ALPK2: variants seen among roughly 807,000 people sequenced by gnomAD.
ALPK2 encodes alpha kinase 2, also known as alpha-protein kinase 2.
Under a neutral mutation model 163.1 loss-of-function variants are expected in ALPK2, and 127 were observed. The observed-to-expected ratio is 0.78, with a 90% CI of 0.67 to 0.90. The LOEUF is 0.90. ALPK2 is among the 40% of genes least tolerant of loss of function. The pLI, the probability that ALPK2 is intolerant of heterozygous loss-of-function variation, is 0.00. For synonymous variants in ALPK2, 953 were observed against 959.1 expected, an observed-to-expected ratio of 0.99 and a Z score of 0.12; for missense variants, 2,360 against 2,589.6, an observed-to-expected ratio of 0.91 and a Z score of 1.92.
In ALPK2 at chr18:58,535,902, C is replaced by T. The variant is rs142602257; in HGVS notation, c.4285G>A (p.Gly1429Ser). 1.2e-5 allele frequency: 19 copies of T among 1,614,164 alleles called. No individual in the cohort carries two copies. The highest frequency in any genetic ancestry group is 1.7e-5 in the Admixed American group (1 of 60,026). The change falls in exon 5 of 13, where the codon GGC (glycine) becomes AGC (serine). Residue 1429 changes from glycine to serine, a missense_variant. By Grantham distance (56) the Gly-to-Ser change is moderately conservative (BLOSUM62 0). Coordinates refer to ENST00000361673, the MANE Select transcript of ALPK2 (RefSeq NM_052947.4). The part of the protein sequence containing the change: ...KPEPSETTPQ[G>S]AREGGQSNDG... ...TTTGATTGACCCCCTTCTCTGGCGC[C>T]CTGTGGTGTGGTTTCAGAGGGCTCT...
intron 9 of ALPK2, among the ~76,000 whole-genome samples, 194 bp from the exon 10 acceptor site, chr18:58,515,275 C>A (rs4940399): frequency 1.3e-5 from 2 of 152,016 alleles, no homozygotes; most frequent in Admixed American, 6.5e-5. Context: ...TCTGAGACGT[C>A]AAGGAACTGT....
At chr18:58,539,671 G>A (rs2051680145) in intron 4 of ALPK2, among the ~76,000 whole-genome samples, 2 of 152,180 alleles carry the variant, frequency 1.3e-5, no homozygotes, top group Admixed American at 1.3e-4. Flanking sequence ...TTCAGGGGTG[G>A]GGATGAAGTC....
intron 3 of ALPK2, among the ~76,000 whole-genome samples, chr18:58,599,205 A>C (rs1350620276): frequency 6.6e-6 from 1 of 152,184 alleles, no homozygotes; most frequent in Non-Finnish European, 1.5e-5. Context: ...TCACCACCAG[A>C]ATGTGATGAC....
intron 4 of ALPK2, among the ~76,000 whole-genome samples, chr18:58,564,720 A>C (rs1378685179): frequency 6.6e-6 from 1 of 152,124 alleles, no homozygotes. Flanking sequence ...TGACCCCTTC[A>C]GTTTACACTG....
At chr18:58,500,721 T>A (rs978270822) in intron 11 of ALPK2, among the ~76,000 whole-genome samples, 1 of 151,588 alleles carries the variant, frequency 6.6e-6, no homozygotes, top group Non-Finnish European at 1.5e-5. Flanking sequence ...GGTCAGGAGT[T>A]CAGACCAGCC....
chr18:58,532,219 A>G (rs1263153191), intron 5 of ALPK2, among the ~76,000 whole-genome samples: 1 of 152,218 alleles, frequency 6.6e-6, no homozygotes, highest in Admixed American at 6.5e-5. Flanking sequence ...CTTCCAGTAC[A>G]ATAACCTAGT....
chr18:58,489,974 A>G (rs1013201181), intron 12 of ALPK2, among the ~76,000 whole-genome samples: 6 of 151,472 alleles, frequency 4.0e-5, no homozygotes, highest in Non-Finnish European at 7.4e-5. Flanking sequence ...TTAGCTACTC[A>G]GGAGGCTGAG....
At position 58,579,693 on chromosome 18, in the gene ALPK2, G is replaced by C; in HGVS notation, c.1083C>G (p.Asp361Glu). ...TEHVFLLESD[D>E]EEMEFGEHCL... ...AATGCTCACCGAATTCCATCTCTTC[G>C]TCATCGCTTTCTAATAAAAAAACAT... Residue 361 changes from aspartate (D) to glutamate (E), a missense_variant, in exon 4 of 13, where the codon GAC becomes GAG. Physicochemically the swap from Asp to Glu is conservative, Grantham distance 45. Coordinates refer to ENST00000361673, the MANE Select transcript of ALPK2 (RefSeq NM_052947.4). 6.2e-7 allele frequency: 1 copy of C among 1,613,938 alleles called. No individual in the cohort carries two copies. Among genetic ancestry groups the C allele is most frequent in the Non-Finnish European group, 8.5e-7 (1 of 1,179,984 alleles).
At chr18:58,541,909 G>A (rs899565389) in intron 4 of ALPK2, among the ~76,000 whole-genome samples, 21 of 152,186 alleles carry the variant, frequency 1.4e-4, no homozygotes, top group Admixed American at 1.3e-4. Context: ...CCTTCCCAAT[G>A]AGTCAGACCT....
At chr18:58,622,779 C>A (rs2052208768) in intron 1 of ALPK2, among the ~76,000 whole-genome samples, 1 of 152,272 alleles carries the variant, frequency 6.6e-6, no homozygotes. Context: ...TCCTCTTATC[C>A]TCCACATTTG....
chr18:58,607,836 A>T (rs1445661458), intron 2 of ALPK2, among the ~76,000 whole-genome samples: 1 of 152,218 alleles, frequency 6.6e-6, no homozygotes, highest in Non-Finnish European at 1.5e-5. Context: ...GTTTCACTCA[A>T]TGATAACTAC....
intron 4 of ALPK2, chr18:58,538,500 C>T: frequency 2.5e-6 from 1 of 406,714 alleles, no homozygotes; most frequent in Non-Finnish European, 4.4e-6. Flanking sequence ...TGATTTCTTT[C>T]TCTCTTAGGA....
In ALPK2 at chr18:58,535,506, T is replaced by C. The variant is rs764468567; in HGVS notation, c.4681A>G (p.Thr1561Ala). Residue 1561 changes from threonine to alanine, a missense_variant, in exon 5 of 13, where the codon ACA becomes GCA. Physicochemically the swap from Thr to Ala is moderately conservative, Grantham distance 58. Transcript: ENST00000361673. ...TCAGGGACGTCATGAATTTGGCCTG[T>C]GGAGTTGTGCGTGTCAACCCCAAGA... is the stretch of plus-strand genomic sequence containing the variant. Reference protein sequence around the residue: ...ASLGVDTHNSTGQIHDVPEND... With the variant: ...ASLGVDTHNSAGQIHDVPEND... 6.2e-7 allele frequency: 1 copy of C among 1,614,190 alleles called. No individual in the cohort carries two copies. Among genetic ancestry groups the C allele is most frequent in the South Asian group, 1.1e-5 (1 of 91,082 alleles).
intron 11 of ALPK2, among the ~76,000 whole-genome samples, chr18:58,498,829 C>T (rs910084433): frequency 6.6e-6 from 1 of 152,200 alleles, no homozygotes; most frequent in Admixed American, 6.5e-5. Flanking sequence ...GAGGCCTCCC[C>T]AGCCACATGG....
intron 4 of ALPK2, chr18:58,566,681 C>G (rs1027599655): frequency 1.3e-5 from 2 of 152,194 alleles, no homozygotes; most frequent in African/African-American, 2.4e-5. Context: ...AAAATGCACA[C>G]CTGTTTTGGA....
intron 1 of ALPK2, among the ~76,000 whole-genome samples, chr18:58,624,905 T>C (rs1009234583): frequency 1.4e-4 from 22 of 152,338 alleles, no homozygotes; most frequent in Non-Finnish European, 3.1e-4. Flanking sequence ...GGATTGAAGA[T>C]TAAATGATTT....
rs551488253 is a variant in ALPK2 at position 58,543,035 on chromosome 18, T to A, written c.1963-4811A>T. ...GCCCTCATAGAGGGATTAATCCATT[T>A]ATGGATTAATGAATTAATGGGCTGA... is the stretch of plus-strand genomic sequence containing the variant. On this transcript the variant is annotated intron_variant, in intron 4 of 12. Transcript: ENST00000361673. 5.1e-4 allele frequency among the ~76,000 whole-genome samples: 78 copies of A among 152,272 alleles called. 2 individuals carry two copies. The South Asian group carries it at 0.016, about 31-fold the overall frequency.
At chr18:58,582,551 T>A (rs1238356201) in intron 3 of ALPK2, among the ~76,000 whole-genome samples, 2 of 145,542 alleles carry the variant, frequency 1.4e-5, no homozygotes, top group Admixed American at 1.4e-4. Flanking sequence ...TTTCATGTCA[T>A]CCAGATTGTT....
intron 2 of ALPK2, among the ~76,000 whole-genome samples, chr18:58,609,804 T>C (rs960475893): frequency 6.6e-6 from 1 of 152,146 alleles, no homozygotes; most frequent in Non-Finnish European, 1.5e-5. Context: ...CAGAAGTATC[T>C]GGGCGAGGGG....
Sources: allele counts gnomAD v4.1 joint callset (sites outside exome capture counted in the v4.1 genomes callset), GRCh38; gene constraint gnomAD v4.1.1; transcripts MANE v1.5; gene names NCBI Gene and HGNC (gene_info 2026-07-23, HGNC 2026-07-21).